TMEM232: variants seen among roughly 807,000 people sequenced by gnomAD.
TMEM232 encodes transmembrane protein 232.
A neutral mutation model predicts 78.8 loss-of-function variants in TMEM232; 80 were observed. That is an observed-to-expected ratio of 1.01 (90% confidence interval 0.85 to 1.22). The LOEUF is 1.22. Ranked by LOEUF, TMEM232 falls within the 50% of genes most tolerant of loss-of-function variation. The probability of loss-of-function intolerance (pLI) is 0.00; values close to 1 mark genes in which losing one functional copy is unlikely to be tolerated. For synonymous variants in TMEM232, 297 were observed against 254.3 expected, an observed-to-expected ratio of 1.17 and a Z score of -1.60; for missense variants, 881 against 742.2, an observed-to-expected ratio of 1.19 and a Z score of -2.17.
chr5:110,662,554 T>C (rs1227470508), intron 2 of TMEM232, among the ~76,000 whole-genome samples: 2 of 152,066 alleles, frequency 1.3e-5, no homozygotes, highest in African/African-American at 2.4e-5. Context: ...AAAAACAAGT[T>C]TGGAAAAATC....
chr5:110,730,308 A>G (rs1424328718), upstream of TMEM232, among the ~76,000 whole-genome samples: 1 of 152,250 alleles, frequency 6.6e-6, no homozygotes, highest in Non-Finnish European at 1.5e-5. Context: ...AACTATAGCC[A>G]TGAAAAAATA....
chr5:110,579,294 A>C (rs1777910021), intron 10 of TMEM232, among the ~76,000 whole-genome samples: 1 of 151,690 alleles, frequency 6.6e-6, no homozygotes, highest in Admixed American at 6.6e-5. Flanking sequence ...TCTCAGACAA[A>C]CAAAAGTTGA....
chr5:110,687,531 C>T (rs1466688543), intron 1 of TMEM232, among the ~76,000 whole-genome samples: 2 of 152,070 alleles, frequency 1.3e-5, no homozygotes, highest in Non-Finnish European at 2.9e-5. Context: ...TGTAATACAA[C>T]CTTATTGCCA....
At chr5:110,438,237 T>C (rs1455659525) in intron 12 of TMEM232, among the ~76,000 whole-genome samples, 1 of 151,874 alleles carries the variant, frequency 6.6e-6, no homozygotes, top group African/African-American at 2.4e-5. Context: ...TTAGGCTTTT[T>C]TTCTCCTATA....
intron 7 of TMEM232, among the ~76,000 whole-genome samples, chr5:110,621,706 C>T (rs1783773053): frequency 1.3e-5 from 2 of 151,884 alleles, no homozygotes; most frequent in Admixed American, 6.6e-5. Context: ...CTCTCCTTCC[C>T]TCCCTCTCTT....
At chr5:110,630,942 C>T (rs545933588) in intron 5 of TMEM232, among the ~76,000 whole-genome samples, 1 of 152,198 alleles carries the variant, frequency 6.6e-6, no homozygotes, top group East Asian at 1.9e-4. Flanking sequence ...CCCTGAAGGA[C>T]ATTGCACCAG....
At chr5:110,621,010 C>A (rs894413686) in intron 7 of TMEM232, among the ~76,000 whole-genome samples, 2 of 151,114 alleles carry the variant, frequency 1.3e-5, no homozygotes, top group African/African-American at 2.4e-5. Context: ...TTACAGGTGC[C>A]TGCCACCACA....
chr5:110,685,532 A>C (rs1471223006), intron 1 of TMEM232, among the ~76,000 whole-genome samples: 2 of 152,146 alleles, frequency 1.3e-5, no homozygotes, highest in African/African-American at 2.4e-5. Context: ...ATATAGAACA[A>C]TGAAACTCTA....
chr5:110,460,799 A>AAAAC (rs1430105671), intron 12 of TMEM232, among the ~76,000 whole-genome samples: 2 of 152,052 alleles, frequency 1.3e-5, no homozygotes, highest in Non-Finnish European at 2.9e-5. Flanking sequence ...CACAATATTT[A>AAAAC]AAACATTTTC....
At chr5:110,433,971 T>C (rs1580662699) in intron 12 of TMEM232, among the ~76,000 whole-genome samples, 2 of 152,016 alleles carry the variant, frequency 1.3e-5, no homozygotes, top group African/African-American at 4.8e-5. Context: ...CAGATTTTGG[T>C]ATCAGGATGA....
In TMEM232 at chr5:110,704,615, A is replaced by G. The variant is rs58805472; in HGVS notation, c.-13+22012T>C. ...AAACCACTAATCTAATTAATATGGA[A>G]GTAGGGCAAACCTTTATTTTTCATT... is the stretch of plus-strand genomic sequence containing the variant. On this transcript the variant is annotated intron_variant, in intron 1 of 13. Coordinates refer to ENST00000455884, the MANE Select transcript of TMEM232 (RefSeq NM_001039763.4). Among the ~76,000 whole-genome samples the G allele has an allele frequency of 7.8e-3, 1,191 of 152,144 alleles. 16 individuals carry two copies. Among genetic ancestry groups the G allele is most frequent in the African/African-American group, 0.028 (1,146 of 41,522 alleles).
At chr5:110,609,453 C>A (rs1401521064) in intron 8 of TMEM232, among the ~76,000 whole-genome samples, 1 of 151,968 alleles carries the variant, frequency 6.6e-6, no homozygotes, top group East Asian at 1.9e-4. Flanking sequence ...GAAAGTGCAG[C>A]CAATCCTTTA....
intron 12 of TMEM232, among the ~76,000 whole-genome samples, chr5:110,445,775 C>T (rs763040483): frequency 3.3e-5 from 5 of 151,966 alleles, no homozygotes; most frequent in Non-Finnish European, 7.4e-5. Flanking sequence ...TGCTGGCTGG[C>T]GATCAAAGAC....
chr5:110,703,261 A>T (rs1208572672), intron 1 of TMEM232, among the ~76,000 whole-genome samples: 1 of 150,520 alleles, frequency 6.6e-6, no homozygotes, highest in Non-Finnish European at 1.5e-5. Flanking sequence ...CTCCCAACAA[A>T]AGCCCCCCAC....
At chr5:110,715,047 G>A (rs1337067841) in intron 1 of TMEM232, among the ~76,000 whole-genome samples, 2 of 151,966 alleles carry the variant, frequency 1.3e-5, no homozygotes, top group Non-Finnish European at 1.5e-5. Context: ...TCTCTTAACA[G>A]GGTTCCTTGT....
At chr5:110,451,916 T>G (rs1760338638) in intron 12 of TMEM232, among the ~76,000 whole-genome samples, 1 of 152,226 alleles carries the variant, frequency 6.6e-6, no homozygotes, top group East Asian at 1.9e-4. Context: ...TTCACCAATT[T>G]ATTTAACAGA....
Position 110,568,528 on chromosome 5 carries a change from T to C in TMEM232, c.1374A>G (p.Arg458=). ...TCTGCAATGTTTGCCATATCATGTTTCTAAGTCCATCCTGTTCTTCGTCTC... is the reference window on the plus strand; with the variant it reads ...TCTGCAATGTTTGCCATATCATGTTCCTAAGTCCATCCTGTTCTTCGTCTC... ...LQGDEEQDGL[R]NMIWQTLQKT... Residue 458 remains arginine (R), a synonymous_variant, in exon 11 of 14, where the codon AGA becomes AGG. Coordinates refer to ENST00000455884, the MANE Select transcript of TMEM232 (RefSeq NM_001039763.4). 1 of 1,549,614 alleles carries C rather than the reference T, an allele frequency of 6.5e-7. No homozygotes were observed. The highest frequency in any genetic ancestry group is 8.7e-7 in the Non-Finnish European group (1 of 1,145,758).
intron 5 of TMEM232, among the ~76,000 whole-genome samples, chr5:110,629,268 A>G (rs1784816145): frequency 6.6e-6 from 1 of 152,136 alleles, no homozygotes; most frequent in African/African-American, 2.4e-5. Context: ...AAAATGTAAT[A>G]GGGGACAAAA....
intron 1 of TMEM232, among the ~76,000 whole-genome samples, chr5:110,711,190 G>C (rs1278087305): frequency 6.6e-6 from 1 of 151,952 alleles, no homozygotes; most frequent in Middle Eastern, 3.2e-3. Context: ...TAAATACCTA[G>C]GTATTAACCA....
Sources: allele counts gnomAD v4.1 joint callset (sites outside exome capture counted in the v4.1 genomes callset), GRCh38; gene constraint gnomAD v4.1.1; transcripts MANE v1.5; gene names NCBI Gene and HGNC (gene_info 2026-07-23, HGNC 2026-07-21).